The following TRABD2B variants were observed in gnomAD, a reference collection of about 807,000 sequenced individuals.
TRABD2B encodes the protein metalloprotease TIKI2.
Under a neutral mutation model 40.1 loss-of-function variants are expected in TRABD2B, and 14 were observed. That is an observed-to-expected ratio of 0.35 (90% CI 0.23 to 0.55). The LOEUF (loss-of-function observed/expected upper bound fraction) is 0.55. TRABD2B is among the 20% of genes least tolerant of loss of function. The pLI is 0.90. For synonymous variants in TRABD2B, 263 were observed against 277.0 expected (o/e 0.95, Z 0.50); for missense variants, 541 against 648.6 (o/e 0.83, Z 1.80).
At chr1:47,977,420 T>TA (rs778790462) in intron 2 of TRABD2B, among the ~76,000 whole-genome samples, 8 of 152,228 alleles carry the variant, frequency 5.3e-5, no homozygotes, top group Non-Finnish European at 1.2e-4. Context: ...TTGAAGGGTG[T>TA]AGGGCTGAAG....
chr1:47,955,398 C>T (rs1431003018), intron 2 of TRABD2B, among the ~76,000 whole-genome samples: 3 of 152,154 alleles, frequency 2.0e-5, no homozygotes, highest in Non-Finnish European at 2.9e-5. Flanking sequence ...CCATCTGATC[C>T]ATTATCCTAA....
At chr1:47,846,911 G>A (rs1487658115) in intron 2 of TRABD2B, among the ~76,000 whole-genome samples, 1 of 109,044 alleles carries the variant, frequency 9.2e-6, no homozygotes, top group African/African-American at 3.0e-5. Context: ...AGGGCTGGGT[G>A]CCCTCTGACC....
chr1:47,883,693 ATCT>A (rs72108636), intron 2 of TRABD2B, among the ~76,000 whole-genome samples: 8,242 of 152,276 alleles, frequency 0.054, 320 homozygotes, highest in Admixed American at 0.1. Flanking sequence ...CACATTTACA[ATCT>A]TCTTGTTCCA....
At chr1:47,861,983 C>A (rs1467550597) in intron 2 of TRABD2B, among the ~76,000 whole-genome samples, 1 of 152,124 alleles carries the variant, frequency 6.6e-6, no homozygotes. Flanking sequence ...TAACATAATT[C>A]ATCAAATCAG....
At chr1:47,862,123 C>T (rs1643981950) in intron 2 of TRABD2B, among the ~76,000 whole-genome samples, 1 of 152,128 alleles carries the variant, frequency 6.6e-6, no homozygotes, top group African/African-American at 2.4e-5. Context: ...CTACAGAAAA[C>T]CTACAGTTAA....
chr1:47,791,793 A>G (rs1644677077), intron 4 of TRABD2B, among the ~76,000 whole-genome samples: 1 of 152,190 alleles, frequency 6.6e-6, no homozygotes, highest in African/African-American at 2.4e-5. Flanking sequence ...TTTCATGCGG[A>G]TGCGTTCCAT....
chr1:47,936,560 T>C lies in TRABD2B; in HGVS notation c.666+57474A>G, dbSNP rs148476741. Among the ~76,000 whole-genome samples, 1,196 of 152,280 alleles carry C rather than the reference T, an allele frequency of 7.9e-3. 15 individuals are homozygous for C. Among genetic ancestry groups the C allele is most frequent in the African/African-American group, 0.027 (1,118 of 41,544 alleles). On this transcript the variant is annotated intron_variant, in intron 2 of 6. Coordinates refer to ENST00000606738, the MANE Select transcript of TRABD2B (RefSeq NM_001194986.2). ...CGTATCTTCAGTTACAGAGGAGTGC[T>C]GTACAGACAAAGGAAAAGGCATAAA...
At chr1:47,849,224 T>A (rs1645513682) in intron 2 of TRABD2B, among the ~76,000 whole-genome samples, 1 of 152,200 alleles carries the variant, frequency 6.6e-6, no homozygotes, top group African/African-American at 2.4e-5. Flanking sequence ...ATGAGGCCAT[T>A]AGGGTGGGCC....
rs530809829 is a variant in TRABD2B at position 47,903,116 on chromosome 1, G to A, written c.666+90918C>T. Among the ~76,000 whole-genome samples the A allele has an allele frequency of 1.4e-4, 22 of 152,208 alleles. No homozygotes were observed. In the South Asian group the frequency reaches 4.1e-3, roughly 29 times the overall value. ...CTCCTCCTGTCCCTCAGAGCTCTTG[G>A]GCTTCCTCTGGTCATGGCACTCACT... On this transcript the variant is annotated intron_variant, in intron 2 of 6. Transcript: ENST00000606738.
chr1:47,858,689 T>C (rs976532716), intron 2 of TRABD2B, among the ~76,000 whole-genome samples: 3 of 152,364 alleles, frequency 2.0e-5, no homozygotes, highest in Non-Finnish European at 4.4e-5. Flanking sequence ...GATTCAAACA[T>C]GACTGCCTTA....
intron 2 of TRABD2B, among the ~76,000 whole-genome samples, chr1:47,842,832 G>A (rs1645417364): frequency 6.6e-6 from 1 of 152,194 alleles, no homozygotes; most frequent in Non-Finnish European, 1.5e-5. Context: ...GGTGTGTAGG[G>A]TGGTGATAAC....
At chr1:47,948,906 A>T (rs1371695446) in intron 2 of TRABD2B, among the ~76,000 whole-genome samples, 1 of 152,072 alleles carries the variant, frequency 6.6e-6, no homozygotes, top group Non-Finnish European at 1.5e-5. Flanking sequence ...CTGTCCCTAC[A>T]TTTCCAGCTC....
chr1:47,876,484 G>A (rs1644226914), intron 2 of TRABD2B, among the ~76,000 whole-genome samples: 1 of 152,196 alleles, frequency 6.6e-6, no homozygotes, highest in African/African-American at 2.4e-5. Flanking sequence ...AAGGTCAAGA[G>A]GCCTCTAGCT....
At chr1:47,905,945 G>C (rs939134297) in intron 2 of TRABD2B, among the ~76,000 whole-genome samples, 1 of 152,118 alleles carries the variant, frequency 6.6e-6, no homozygotes, top group Non-Finnish European at 1.5e-5. Context: ...TGCACCTGCC[G>C]CTCTTAACCC....
chr1:47,810,105 C>T (rs1268033100), intron 2 of TRABD2B, among the ~76,000 whole-genome samples: 1 of 151,488 alleles, frequency 6.6e-6, no homozygotes, highest in Non-Finnish European at 1.5e-5. Context: ...GTGATAGTTG[C>T]TATGGAGAAA....
At chr1:47,871,044 CTTG>C (rs2124590209) in intron 2 of TRABD2B, among the ~76,000 whole-genome samples, 3 of 152,308 alleles carry the variant, frequency 2.0e-5, no homozygotes, top group Non-Finnish European at 4.4e-5. Flanking sequence ...TACATCTTTT[CTTG>C]TTTTCTATAT....
intron 4 of TRABD2B, among the ~76,000 whole-genome samples, chr1:47,789,629 G>T (rs1644643570): frequency 6.6e-6 from 1 of 152,108 alleles, no homozygotes; most frequent in Non-Finnish European, 1.5e-5. Context: ...CTCTGTGGAT[G>T]ACTTCACCTT....
intron 2 of TRABD2B, among the ~76,000 whole-genome samples, chr1:47,915,063 A>G (rs1219464519): frequency 6.6e-6 from 1 of 152,266 alleles, no homozygotes; most frequent in African/African-American, 2.4e-5. Flanking sequence ...CACCTGAAGC[A>G]TAAGGAGGGT....
At chr1:47,849,974 A>C (rs1002387263) in intron 2 of TRABD2B, among the ~76,000 whole-genome samples, 7 of 152,260 alleles carry the variant, frequency 4.6e-5, no homozygotes, top group African/African-American at 1.4e-4. Flanking sequence ...ACTGGCCCAC[A>C]GACTCACAGG....
Sources: allele counts gnomAD v4.1 joint callset (sites outside exome capture counted in the v4.1 genomes callset), GRCh38; gene constraint gnomAD v4.1.1; transcripts MANE v1.5; gene names NCBI Gene and HGNC (gene_info 2026-07-23, HGNC 2026-07-21).